The following ARV1 variants were observed in gnomAD, a reference collection of about 807,000 sequenced individuals.
The protein encoded by ARV1 is protein ARV1.
ARV1 carries 26 observed loss-of-function variants against 31.1 expected under a neutral mutation model. The observed-to-expected ratio is 0.84, with a 90% CI of 0.61 to 1.16. ARV1 has a LOEUF of 1.16. Among genes scored for constraint, ARV1 ranks in the 50% most tolerant of loss-of-function variants. The probability of loss-of-function intolerance (pLI) is 0.00; values close to 1 mark genes in which losing one functional copy is unlikely to be tolerated. For missense variants in ARV1, 281 were observed against 324.9 expected (o/e 0.86, Z 1.04); for synonymous variants, 117 against 123.2 (o/e 0.95, Z 0.34).
chr1:230,997,015 G>A, intron 4 of ARV1, 106 bp from the exon 5 acceptor site: 1 of 1,360,128 alleles, frequency 7.4e-7, no homozygotes, highest in Non-Finnish European at 1.0e-6. Flanking sequence ...AACAAACATT[G>A]ATTTTTCCAA....
intron 3 of ARV1, among the ~76,000 whole-genome samples, chr1:230,991,765 G>T (rs1326959050): frequency 6.6e-6 from 1 of 151,898 alleles, no homozygotes; most frequent in Non-Finnish European, 1.5e-5. Flanking sequence ...CCGAGTAGCT[G>T]GGATTACAGG....
chr1:230,993,799 A>G (rs1679292422), intron 3 of ARV1, among the ~76,000 whole-genome samples: 1 of 152,154 alleles, frequency 6.6e-6, no homozygotes, highest in Non-Finnish European at 1.5e-5. Context: ...AGGGGCAGAG[A>G]CAGGAGGATC....
chr1:230,987,793 T>C (rs1483884308), intron 1 of ARV1, among the ~76,000 whole-genome samples: 1 of 152,200 alleles, frequency 6.6e-6, no homozygotes, highest in East Asian at 1.9e-4. Context: ...CTCAGGATCA[T>C]TCGGATCATG....
chr1:230,995,497 A>G (rs1404589892), intron 3 of ARV1, among the ~76,000 whole-genome samples: 2 of 152,046 alleles, frequency 1.3e-5, no homozygotes, highest in East Asian at 1.9e-4. Context: ...GATGATTACA[A>G]TTCTAATGGA....
chr1:230,983,532 A>T (rs984549207), intron 1 of ARV1, among the ~76,000 whole-genome samples: 1 of 152,168 alleles, frequency 6.6e-6, no homozygotes, highest in African/African-American at 2.4e-5. Context: ...GAGTCTCCTA[A>T]GTTTCCATTT....
chr1:230,990,662 C>T (rs1346420440), intron 3 of ARV1: 1 of 357,570 alleles, frequency 2.8e-6, no homozygotes, highest in Non-Finnish European at 5.7e-6. Context: ...TCAAGCAATC[C>T]TCCTGCCTCG....
intron 1 of ARV1, 75 bp from the exon 2 acceptor site, chr1:230,988,245 C>G (rs1335330094): frequency 1.5e-6 from 2 of 1,342,884 alleles, no homozygotes; most frequent in South Asian, 1.3e-5. Context: ...AAAATAGACT[C>G]TGCTGTTTTG....
intron 5 of ARV1, chr1:230,999,671 C>CTCT (rs1162663891): frequency 6.6e-6 from 1 of 152,170 alleles, no homozygotes; most frequent in African/African-American, 2.4e-5. Flanking sequence ...TCAGCTTTGC[C>CTCT]TCTCCATGGA....
At chr1:230,997,841 G>A (rs1679413096) in intron 5 of ARV1, among the ~76,000 whole-genome samples, 1 of 152,140 alleles carries the variant, frequency 6.6e-6, no homozygotes, top group South Asian at 2.1e-4. Flanking sequence ...GCCTCGCAGT[G>A]TTTCCTGAGC....
At chr1:230,983,884 C>A (rs1268751917) in intron 1 of ARV1, among the ~76,000 whole-genome samples, 1 of 152,172 alleles carries the variant, frequency 6.6e-6, no homozygotes, top group Non-Finnish European at 1.5e-5. Flanking sequence ...TTTCAGGATA[C>A]TTGCCTATAA....
At chr1:230,991,456 A>G (rs12026155) in intron 3 of ARV1, among the ~76,000 whole-genome samples, 33,907 of 151,888 alleles carry the variant, frequency 0.22, 3,976 homozygotes, top group East Asian at 0.4. Context: ...CATACCCATA[A>G]TTGAGCTCCT....
In ARV1 at chr1:230,997,272, T is replaced by C. The variant is rs755705732; in HGVS notation, c.*4+5T>C. The C allele has an allele frequency of 1.4e-5, 23 of 1,613,444 alleles. No homozygotes were observed. In the East Asian group the frequency reaches 2.7e-4, roughly 19 times the overall value. ...AATCTCAGGACTTCTGAAGAGGTAC[T>C]GAAAGCATGTAGTGTTCATGCATTC... is the stretch of plus-strand genomic sequence containing the variant. On this transcript the variant is annotated splice_donor_5th_base_variant and intron_variant, in intron 5 of 5. Coordinates refer to ENST00000310256, the MANE Select transcript of ARV1 (RefSeq NM_022786.3).
intron 3 of ARV1, among the ~76,000 whole-genome samples, chr1:230,991,666 C>A (rs1187431094): frequency 6.8e-6 from 1 of 147,858 alleles, no homozygotes; most frequent in Non-Finnish European, 1.5e-5. Flanking sequence ...GAGTCTCACT[C>A]TGTCGCCCAG....
chr1:230,984,512 G>A (rs542448552), intron 1 of ARV1, among the ~76,000 whole-genome samples: 17 of 152,066 alleles, frequency 1.1e-4, no homozygotes, highest in African/African-American at 3.9e-4. Flanking sequence ...GTGTAAACTT[G>A]TTGTGCCCAG....
At position 230,992,508 on chromosome 1, in the gene ARV1, T is replaced by C. The variant is rs1679257713; in HGVS notation, c.448+2245T>C. ...TAACATATCACAGAAGTTATTATCTTTTGTTAGTGCCTTTCCCCACTAACA... is the reference window on the plus strand; with the variant it reads ...TAACATATCACAGAAGTTATTATCTCTTGTTAGTGCCTTTCCCCACTAACA... On this transcript the variant is annotated intron_variant, in intron 3 of 5. Coordinates refer to ENST00000310256, the MANE Select transcript of ARV1 (RefSeq NM_022786.3). Among the ~76,000 whole-genome samples the C allele has an allele frequency of 1.3e-5, 2 of 152,244 alleles. 1 individual carries two copies.
intron 1 of ARV1, among the ~76,000 whole-genome samples, chr1:230,983,675 A>C (rs2103043589): frequency 6.6e-6 from 1 of 152,304 alleles, no homozygotes; most frequent in Middle Eastern, 3.4e-3. Flanking sequence ...GACAGGAAGG[A>C]AACAGCAGGA....
At chr1:230,984,747 A>C (rs1323897291) in intron 1 of ARV1, among the ~76,000 whole-genome samples, 1 of 152,250 alleles carries the variant, frequency 6.6e-6, no homozygotes, top group Non-Finnish European at 1.5e-5. Flanking sequence ...AACAACTTAA[A>C]AGACAAATGG....
chr1:230,979,428 G>T, intron 1 of ARV1, 149 bp downstream of exon 1: 1 of 895,044 alleles, frequency 1.1e-6, no homozygotes, highest in Non-Finnish European at 1.7e-6. Flanking sequence ...TACTGATAGA[G>T]AACTCAGCTA....
At chr1:230,986,506 C>T (rs983455271) in intron 1 of ARV1, among the ~76,000 whole-genome samples, 1 of 151,876 alleles carries the variant, frequency 6.6e-6, no homozygotes, top group African/African-American at 2.4e-5. Flanking sequence ...AAATGTTATG[C>T]GTTTGAATTG....
Sources: gnomAD v4.1 joint callset for allele counts (sites outside exome capture counted in the v4.1 genomes callset) on GRCh38, gnomAD v4.1.1 for gene constraint, MANE v1.5 for transcripts, NCBI Gene and HGNC (gene_info 2026-07-23, HGNC 2026-07-21) for gene names.